Variants in ABCG1 observed in about 807,000 individuals in gnomAD.
The protein encoded by ABCG1 is ATP-binding cassette sub-family G member 1.
Under a neutral mutation model 69.2 loss-of-function variants are expected in ABCG1, and 29 were observed. The observed-to-expected ratio is 0.42, with a 90% CI of 0.31 to 0.57. ABCG1 has a LOEUF of 0.57. Ranked by LOEUF, ABCG1 falls within the 20% of genes least tolerant of loss-of-function variation. The pLI, the probability that ABCG1 is intolerant of heterozygous loss-of-function variation, is 0.15. For synonymous variants in ABCG1, 370 were observed against 374.8 expected, an observed-to-expected ratio of 0.99 and a Z score of 0.15; for missense variants, 718 against 898.1, an observed-to-expected ratio of 0.80 and a Z score of 2.56.
intron 2 of ABCG1, among the ~76,000 whole-genome samples, chr21:42,205,020 T>TG (rs1458586849): frequency 2.7e-5 from 4 of 149,044 alleles, no homozygotes; most frequent in East Asian, 2.0e-4. Flanking sequence ...TTTTTGTTGT[T>TG]TTTTTTTTTT....
chr21:42,289,791 T>C (rs1194854196), intron 10 of ABCG1, among the ~76,000 whole-genome samples: 1 of 152,186 alleles, frequency 6.6e-6, no homozygotes, highest in Non-Finnish European at 1.5e-5. Context: ...AGTAATTATG[T>C]TGGTTTTAAC....
At chr21:42,215,742 C>G (rs2067632711), upstream of ABCG1, among the ~76,000 whole-genome samples, 2 of 152,186 alleles carry the variant, frequency 1.3e-5, no homozygotes, top group South Asian at 4.1e-4. Context: ...GAACAAGGGT[C>G]TGGAAAGAAT....
chr21:42,294,554 G>A lies in ABCG1; in HGVS notation c.1666G>A (p.Val556Met), dbSNP rs752990354. 9.3e-6 allele frequency: 15 copies of A among 1,613,908 alleles called. No homozygotes were observed. The highest frequency in any genetic ancestry group is 8.8e-5 in the South Asian group (8 of 91,076). Residue 556 changes from valine to methionine, a missense_variant, in exon 14 of 15, where the codon GTG (valine) becomes ATG (methionine). Transcript: ENST00000398449. ...CCCCCAACTCCAGGTGGCCACTTTC[G>A]TGGGCCCAGTGACAGCCATCCCGGT... ...ASTSLQVATF[V>M]GPVTAIPVLL...
Position 42,282,238 on chromosome 21 carries a change from G to A in ABCG1, c.589-36G>A, listed in dbSNP as rs749489827. 2.1e-5 allele frequency: 33 copies of A among 1,597,516 alleles called. No homozygotes were observed. The South Asian group carries it at 3.7e-4, about 18-fold the overall frequency. Reference sequence around the variant, plus strand: ...CCATGGGAGGTGGTGAGCTTTGGCGGGCAGCTCCCAATGTCTCTCGTTCTG... The same window carrying A: ...CCATGGGAGGTGGTGAGCTTTGGCGAGCAGCTCCCAATGTCTCTCGTTCTG... On this transcript the variant is annotated intron_variant, in intron 5 of 14. Coordinates refer to ENST00000398449, the MANE Select transcript of ABCG1 (RefSeq NM_016818.3).
intron 5 of ABCG1, among the ~76,000 whole-genome samples, chr21:42,280,032 C>G (rs952150087): frequency 6.6e-6 from 1 of 152,238 alleles, no homozygotes; most frequent in Non-Finnish European, 1.5e-5. Context: ...CCCCTGGCGC[C>G]GTCCTCAGAT....
At chr21:42,237,886 C>T (rs9983344) in intron 2 of ABCG1, among the ~76,000 whole-genome samples, 11,919 of 152,202 alleles carry the variant, frequency 0.078, 743 homozygotes, top group African/African-American at 0.17. Context: ...CTGGGTCAAG[C>T]AGCCTACTCT....
intron 2 of ABCG1, among the ~76,000 whole-genome samples, chr21:42,237,203 T>C (rs934960489): frequency 2.6e-5 from 4 of 152,204 alleles, no homozygotes; most frequent in Non-Finnish European, 5.9e-5. Flanking sequence ...GAACTATACC[T>C]CAATATCTGA....
chr21:42,213,778 A>G (rs981848575), upstream of ABCG1, among the ~76,000 whole-genome samples: 4 of 152,208 alleles, frequency 2.6e-5, no homozygotes, highest in Admixed American at 6.5e-5. Flanking sequence ...GAGACCTGTT[A>G]TCGCTTTCTT....
Position 42,288,999 on chromosome 21 carries a change from G to A in ABCG1, c.1224+687G>A, listed in dbSNP as rs578065486. On this transcript the variant is annotated intron_variant, in intron 10 of 14. Transcript: ENST00000398449. This position sits in a 1 kb window ranked among gnomAD's most constrained non-coding sequence, Gnocchi z 4.8. ...CCATTGTCATGAGCACAGACCCAAA[G>A]GAGAAGTCCACCCCCATGATCCAAT... Among the ~76,000 whole-genome samples the A allele has an allele frequency of 5.9e-5, 9 of 152,206 alleles. No individual in the cohort carries two copies. In the East Asian group the frequency reaches 1.2e-3, roughly 20 times the overall value.
intron 2 of ABCG1, among the ~76,000 whole-genome samples, chr21:42,249,961 C>T (rs1193739696): frequency 1.3e-5 from 2 of 150,854 alleles, no homozygotes; most frequent in Non-Finnish European, 1.5e-5. Flanking sequence ...GCCGAGATGG[C>T]GCCACTGCAC....
intron 1 of ABCG1, chr21:42,221,265 G>A (rs561670979): frequency 3.3e-5 from 5 of 152,194 alleles, no homozygotes; most frequent in African/African-American, 9.6e-5. Flanking sequence ...AGACCACCTG[G>A]GAATTCTGGG....
Position 42,296,148 on chromosome 21 carries a change from T to C in ABCG1, c.1773-16T>C. 1 of 1,609,480 alleles carries C rather than the reference T, an allele frequency of 6.2e-7. No individual in the cohort carries two copies. Among genetic ancestry groups the C allele is most frequent in the Non-Finnish European group, 8.5e-7 (1 of 1,175,826 alleles). On this transcript the variant is annotated splice_polypyrimidine_tract_variant and intron_variant, in intron 14 of 14. Coordinates refer to ENST00000398449, the MANE Select transcript of ABCG1 (RefSeq NM_016818.3). This position sits in a 1 kb window ranked among gnomAD's most constrained non-coding sequence, Gnocchi z 5.4. ...CTGGGAGAACGTCCTCCCTCATGCCTGGCCTTTCCTCCTAGGTATGGGTTC... is the reference window on the plus strand; with the variant it reads ...CTGGGAGAACGTCCTCCCTCATGCCCGGCCTTTCCTCCTAGGTATGGGTTC...
At chr21:42,272,252 A>G (rs1028090561) in intron 3 of ABCG1, among the ~76,000 whole-genome samples, 5 of 152,208 alleles carry the variant, frequency 3.3e-5, no homozygotes, top group African/African-American at 1.2e-4. Flanking sequence ...AGGCAGGGCC[A>G]GAGAGGAGTG....
chr21:42,273,308 C>G lies in ABCG1; in HGVS notation c.410C>G (p.Thr137Arg), dbSNP rs772065421. The change falls in exon 4 of 15, where the codon ACG (threonine) becomes AGG (arginine). Residue 137 changes from threonine (T) to arginine (R), a missense_variant. Around this residue, in one of 2 missense-constraint regions of ABCG1, gnomAD observed 514 missense variants for 574.3 expected, o/e 0.90. Coordinates refer to ENST00000398449, the MANE Select transcript of ABCG1 (RefSeq NM_016818.3). The surrounding 1 kb of genome is among the most constrained non-coding windows in gnomAD (Gnocchi z 5.3). Reference sequence around the variant, plus strand: ...TCCTGTCCTTGGTTCTGCAGGGAGACGGGCATGAAGGGGGCCGTCCTCATC... The same window carrying G: ...TCCTGTCCTTGGTTCTGCAGGGAGAGGGGCATGAAGGGGGCCGTCCTCATC... Reference protein sequence around the residue: ...LMNILAGYRETGMKGAVLING... With the variant: ...LMNILAGYRERGMKGAVLING... 1 of 1,612,176 alleles carries G rather than the reference C, an allele frequency of 6.2e-7. No homozygotes were observed. The highest frequency in any genetic ancestry group is 8.5e-7 in the Non-Finnish European group (1 of 1,179,258).
chr21:42,204,220 A>C (rs2067526902), intron 2 of ABCG1, among the ~76,000 whole-genome samples: 1 of 152,042 alleles, frequency 6.6e-6, no homozygotes, highest in Admixed American at 6.5e-5. Context: ...TCCCTTTCCA[A>C]TCTGTCTGCC....
chr21:42,264,177 C>T (rs910254835), intron 2 of ABCG1, among the ~76,000 whole-genome samples: 1 of 152,188 alleles, frequency 6.6e-6, no homozygotes, highest in African/African-American at 2.4e-5. Context: ...GGAGCAGCTT[C>T]ATTCCAGCGT....
At chr21:42,256,407 TG>T in intron 2 of ABCG1, 1 of 1,550,126 alleles carries the variant, frequency 6.5e-7, no homozygotes, top group Non-Finnish European at 8.7e-7. Flanking sequence ...CTGTGGTGTC[TG>T]GTCCCTACTC....
At chr21:42,295,806 T>A (rs1453746754) in intron 14 of ABCG1, among the ~76,000 whole-genome samples, 2 of 152,162 alleles carry the variant, frequency 1.3e-5, no homozygotes, top group Non-Finnish European at 2.9e-5. Context: ...TGCTCTCAAG[T>A]CCTTGCAAGT....
At chr21:42,264,614 G>T (rs138617016) in intron 2 of ABCG1, among the ~76,000 whole-genome samples, 132 of 152,324 alleles carry the variant, frequency 8.7e-4, no homozygotes, top group Middle Eastern at 3.4e-3. Context: ...GAAAGGTGAG[G>T]TTCCTACTTC....
Sources: allele counts gnomAD v4.1 joint callset (sites outside exome capture counted in the v4.1 genomes callset), GRCh38; gene constraint gnomAD v4.1.1; regional missense constraint gnomAD v4.1.1; non-coding constraint Gnocchi (gnomAD v3.1); transcripts MANE v1.5; gene names NCBI Gene and HGNC (gene_info 2026-07-23, HGNC 2026-07-21).